Variants in ERP27 observed in about 807,000 individuals in gnomAD.
ERP27 encodes endoplasmic reticulum protein 27, also known as endoplasmic reticulum resident protein 27.
ERP27 carries 23 observed loss-of-function variants against 27.7 expected under a neutral mutation model. The ratio of observed to expected loss-of-function variants is 0.83; its 90% CI spans 0.60 to 1.18. The LOEUF (loss-of-function observed/expected upper bound fraction) is 1.18, where lower values mean the gene tolerates loss of function less well. ERP27 is among the 50% of genes most tolerant of loss of function. ERP27 has a pLI of 0.00. For synonymous variants in ERP27, 159 were observed against 118.3 expected (o/e 1.34, Z -2.23); for missense variants, 363 against 327.9 (o/e 1.11, Z -0.83).
intron 4 of ERP27, among the ~76,000 whole-genome samples, chr12:14,919,809 G>T (rs913032285): frequency 6.6e-6 from 1 of 152,226 alleles, no homozygotes; most frequent in Admixed American, 6.5e-5. Context: ...GGCAAAATGT[G>T]CTAATGCATC....
rs1227230306 is a variant in ERP27 at position 14,915,695 on chromosome 12, G to A, written c.577-9C>T. ...ACCAGAATAAAGAGAATCTGCAGTT[G>A]GGGAAGTTTGAAAGAAAAAGTTCTA... is the stretch of plus-strand genomic sequence containing the variant. On this transcript the variant is annotated splice_polypyrimidine_tract_variant and intron_variant, in intron 5 of 6. Transcript: ENST00000266397. 1 of 1,609,676 alleles carries A rather than the reference G, an allele frequency of 6.2e-7. No individual in the cohort carries two copies. The highest frequency in any genetic ancestry group is 1.1e-5 in the South Asian group (1 of 90,840).
chr12:14,934,115 A>G lies in ERP27; in HGVS notation c.333+741T>C, dbSNP rs76777495. ...AATCAAGTTTCTTTCTCTTATATTC[A>G]TTTTCCCCAATGTGTACCCTGGGAT... is the stretch of plus-strand genomic sequence containing the variant. On this transcript the variant is annotated intron_variant, in intron 3 of 6. Transcript: ENST00000266397. Among the ~76,000 whole-genome samples the G allele has an allele frequency of 3.3e-5, 5 of 151,864 alleles. No homozygotes were observed. In the East Asian group the frequency reaches 9.7e-4, roughly 29 times the overall value.
intron 5 of ERP27, among the ~76,000 whole-genome samples, chr12:14,916,856 T>G (rs1863417932): frequency 6.6e-6 from 1 of 152,154 alleles, no homozygotes; most frequent in Non-Finnish European, 1.5e-5. Flanking sequence ...CTCTATGAAA[T>G]TATGGGAAGG....
In ERP27 at chr12:14,938,031, T is replaced by C. The variant is rs961929446; in HGVS notation, c.116A>G (p.Glu39Gly). Reference sequence around the variant, plus strand: ...TGGGACATCTGTGAGCCACGTGGGTTCCTGGGCAGCACCAGGACCATCTAG... The same window carrying C: ...TGGGACATCTGTGAGCCACGTGGGTCCCTGGGCAGCACCAGGACCATCTAG... Reference protein sequence around the residue: ...KSSDGPGAAQEPTWLTDVPAA... With the variant: ...KSSDGPGAAQGPTWLTDVPAA... Residue 39 changes from glutamate (E) to glycine (G), a missense_variant, in exon 2 of 7, where the codon GAA becomes GGA. By Grantham distance (98) the Glu-to-Gly change is moderately conservative. Coordinates refer to ENST00000266397, the MANE Select transcript of ERP27 (RefSeq NM_152321.4). 1.2e-6 allele frequency: 2 copies of C among 1,613,954 alleles called. No homozygotes were observed. Among genetic ancestry groups the C allele is most frequent in the Non-Finnish European group, 1.7e-6 (2 of 1,179,834 alleles).
Sources: gnomAD v4.1 joint callset for allele counts (sites outside exome capture counted in the v4.1 genomes callset) on GRCh38, gnomAD v4.1.1 for gene constraint, MANE v1.5 for transcripts, NCBI Gene and HGNC (gene_info 2026-07-23, HGNC 2026-07-21) for gene names.